CSMD1: variants seen among roughly 807,000 people sequenced by gnomAD.
The protein encoded by CSMD1 is CUB and sushi domain-containing protein 1.
CSMD1 carries 213 observed loss-of-function variants against 417.5 expected under a neutral mutation model. The observed-to-expected ratio is 0.51, with a 90% CI of 0.46 to 0.57. The LOEUF (loss-of-function observed/expected upper bound fraction) is 0.57, where lower values mean the gene tolerates loss of function less well. Ranked by LOEUF, CSMD1 falls within the 20% of genes least tolerant of loss-of-function variation. CSMD1 has a pLI of 0.00. For missense variants in CSMD1, 6,923 were observed against 4,529.7 expected (o/e 1.53, Z -15.17); for synonymous variants, 2,862 against 1,736.8 (o/e 1.65, Z -16.11).
intron 3 of CSMD1, among the ~76,000 whole-genome samples, chr8:4,204,065 T>G (rs1337661189): frequency 1.3e-5 from 2 of 152,098 alleles, no homozygotes; most frequent in African/African-American, 4.8e-5. Flanking sequence ...TGTGCCACTG[T>G]ACTCCAGCCT....
At chr8:4,568,203 T>C (rs533285902) in intron 2 of CSMD1, among the ~76,000 whole-genome samples, 2 of 152,210 alleles carry the variant, frequency 1.3e-5, no homozygotes, top group East Asian at 3.9e-4. Flanking sequence ...GTTTGACACA[T>C]GGGTATACAT....
chr8:4,857,491 A>G (rs964864865), intron 1 of CSMD1, among the ~76,000 whole-genome samples: 4 of 152,198 alleles, frequency 2.6e-5, no homozygotes, highest in East Asian at 3.8e-4. Flanking sequence ...CGTTTTTTGA[A>G]AGGATCAACA....
intron 12 of CSMD1, among the ~76,000 whole-genome samples, chr8:3,456,860 G>A (rs1816179911): frequency 6.6e-6 from 1 of 152,048 alleles, no homozygotes; most frequent in South Asian, 2.1e-4. Context: ...CCGAGCCCAG[G>A]TCTCTTGGCT....
rs192090558 is a variant in CSMD1, at chr8:4,852,832, G to A, written c.85+141500C>T. 1.6e-3 allele frequency among the ~76,000 whole-genome samples: 238 copies of A among 152,270 alleles called. 1 individual carries two copies. The highest frequency in any genetic ancestry group is 5.5e-3 in the African/African-American group (228 of 41,558). On this transcript the variant is annotated intron_variant, in intron 1 of 69. Transcript: ENST00000635120. ...GGAACTTACTGGGAACTGGAGTGAA[G>A]GTCACCTATGTTAGGCCCTAGCAAA...
chr8:4,888,110 T>C (rs1049581027), intron 1 of CSMD1, among the ~76,000 whole-genome samples: 3 of 151,860 alleles, frequency 2.0e-5, no homozygotes, highest in Admixed American at 6.6e-5. Flanking sequence ...CTCTTAATTA[T>C]AAAATATTAG....
At chr8:3,254,699 C>G (rs762570910) in intron 26 of CSMD1, among the ~76,000 whole-genome samples, 2 of 152,172 alleles carry the variant, frequency 1.3e-5, no homozygotes, top group South Asian at 2.1e-4. Flanking sequence ...ACTTAGTTCT[C>G]GAGCCTTGGT....
intron 1 of CSMD1, among the ~76,000 whole-genome samples, chr8:4,763,363 A>T (rs1316114833): frequency 1.2e-4 from 18 of 152,208 alleles, no homozygotes; most frequent in Admixed American, 1.2e-3. Flanking sequence ...TTGCATTCAC[A>T]GTCCTTCCTG....
intron 3 of CSMD1, among the ~76,000 whole-genome samples, chr8:4,154,035 C>G (rs944008563): frequency 6.6e-6 from 1 of 152,164 alleles, no homozygotes; most frequent in African/African-American, 2.4e-5. Context: ...TTTCAGCTTG[C>G]TGCCACATTT....
chr8:3,514,816 T>C (rs558092053), intron 10 of CSMD1, among the ~76,000 whole-genome samples: 1 of 152,306 alleles, frequency 6.6e-6, no homozygotes, highest in South Asian at 2.1e-4. Context: ...TGGGTACCTA[T>C]ATTATTAACA....
intron 11 of CSMD1, among the ~76,000 whole-genome samples, chr8:3,473,785 T>C (rs1053269771): frequency 5.3e-5 from 8 of 152,180 alleles, no homozygotes; most frequent in Non-Finnish European, 1.2e-4. Flanking sequence ...GCTATGAAGA[T>C]ATTATCCAAG....
intron 5 of CSMD1, among the ~76,000 whole-genome samples, chr8:3,837,497 T>C (rs1052647668): frequency 6.6e-5 from 10 of 152,190 alleles, no homozygotes; most frequent in Non-Finnish European, 1.3e-4. Flanking sequence ...AGAAACAAGA[T>C]GTGAGATCCT....
chr8:3,971,730 C>T (rs1435933038), intron 5 of CSMD1, among the ~76,000 whole-genome samples: 2 of 152,122 alleles, frequency 1.3e-5, no homozygotes, highest in African/African-American at 4.8e-5. Flanking sequence ...TTCTCGTAGA[C>T]CACCAAGGCC....
intron 2 of CSMD1, among the ~76,000 whole-genome samples, chr8:4,611,848 G>T (rs1181810010): frequency 6.6e-6 from 1 of 152,098 alleles, no homozygotes. Flanking sequence ...TCCTCACCAG[G>T]GTTTGAAGTG....
At chr8:4,543,915 G>C (rs531567921) in intron 2 of CSMD1, among the ~76,000 whole-genome samples, 102 of 152,204 alleles carry the variant, frequency 6.7e-4, no homozygotes, top group South Asian at 1.9e-3. Context: ...ATGATAATTT[G>C]ACATCTGTTT....
At chr8:4,472,687 A>C (rs928057844) in intron 2 of CSMD1, among the ~76,000 whole-genome samples, 7 of 152,048 alleles carry the variant, frequency 4.6e-5, no homozygotes. Flanking sequence ...TATATCAAGA[A>C]AATATTGAAA....
intron 2 of CSMD1, among the ~76,000 whole-genome samples, chr8:4,474,180 C>T (rs1324766511): frequency 1.3e-5 from 2 of 152,080 alleles, no homozygotes; most frequent in African/African-American, 2.4e-5. Context: ...AAATAATCTT[C>T]GTAAGTGAAA....
intron 7 of CSMD1, among the ~76,000 whole-genome samples, chr8:3,657,895 A>G (rs957671956): frequency 2.0e-5 from 3 of 152,170 alleles, no homozygotes; most frequent in African/African-American, 7.2e-5. Flanking sequence ...CTTACCCTGG[A>G]GCTTCTGTGC....
intron 6 of CSMD1, among the ~76,000 whole-genome samples, chr8:3,729,810 C>T (rs11784585): frequency 2.6e-5 from 4 of 151,352 alleles, no homozygotes; most frequent in African/African-American, 4.9e-5. Flanking sequence ...TTTCTTCATT[C>T]TACAGCATAT....
At chr8:4,158,442 T>C (rs1454525959) in intron 3 of CSMD1, among the ~76,000 whole-genome samples, 2 of 151,490 alleles carry the variant, frequency 1.3e-5, no homozygotes, top group African/African-American at 4.9e-5. Flanking sequence ...CAAAAAAAAA[T>C]CAAAGAAACA....
Sources: allele counts gnomAD v4.1 joint callset (sites outside exome capture counted in the v4.1 genomes callset), GRCh38; gene constraint gnomAD v4.1.1; transcripts MANE v1.5; gene names NCBI Gene and HGNC (gene_info 2026-07-23, HGNC 2026-07-21).